The following WDFY2 variants were observed in gnomAD, a reference collection of about 807,000 sequenced individuals.
WDFY2 encodes WD repeat and FYVE domain-containing protein 2.
Under a neutral mutation model 56.4 loss-of-function variants are expected in WDFY2, and 36 were observed. The observed-to-expected ratio is 0.64, with a 90% CI of 0.49 to 0.84. The LOEUF is 0.84. Among genes scored for constraint, WDFY2 ranks in the 40% least tolerant of loss-of-function variants. WDFY2 has a pLI of 0.00. For synonymous variants in WDFY2, 176 were observed against 183.7 expected, an observed-to-expected ratio of 0.96 and a Z score of 0.34; for missense variants, 444 against 512.2, an observed-to-expected ratio of 0.87 and a Z score of 1.29.
intron 1 of WDFY2, among the ~76,000 whole-genome samples, chr13:51,640,086 CTAGAGA>C (rs1389626947): frequency 1.3e-5 from 2 of 152,128 alleles, no homozygotes; most frequent in African/African-American, 2.4e-5. Flanking sequence ...TGTTTGTTAT[CTAGAGA>C]TAAAGTGTTT....
At chr13:51,699,010 A>G (rs1951930343) in intron 3 of WDFY2, among the ~76,000 whole-genome samples, 1 of 152,214 alleles carries the variant, frequency 6.6e-6, no homozygotes, top group South Asian at 2.1e-4. Flanking sequence ...ACCACATCAT[A>G]TATACTGCCT....
chr13:51,638,306 G>A (rs1304588818), intron 1 of WDFY2, among the ~76,000 whole-genome samples: 2 of 152,174 alleles, frequency 1.3e-5, no homozygotes, highest in Admixed American at 6.5e-5. Flanking sequence ...CCTGGGGGTG[G>A]GGTATTAATG....
chr13:51,757,302 T>C (rs1468138196), intron 10 of WDFY2, among the ~76,000 whole-genome samples: 3 of 152,178 alleles, frequency 2.0e-5, no homozygotes, highest in Non-Finnish European at 4.4e-5. Context: ...CAAGAGACCT[T>C]AGAGATAGCC....
At chr13:51,700,560 G>C (rs1170841007) in intron 3 of WDFY2, among the ~76,000 whole-genome samples, 1 of 152,038 alleles carries the variant, frequency 6.6e-6, no homozygotes, top group African/African-American at 2.4e-5. Context: ...ATTCTTCTCG[G>C]ACTTTTATTT....
At chr13:51,603,605 T>A (rs1255441010) in intron 1 of WDFY2, among the ~76,000 whole-genome samples, 2 of 152,170 alleles carry the variant, frequency 1.3e-5, no homozygotes, top group Non-Finnish European at 2.9e-5. Context: ...ATCATAGACT[T>A]TTTCTTGGGC....
chr13:51,586,315 G>A (rs1953935105), intron 1 of WDFY2: 2 of 358,616 alleles, frequency 5.6e-6, no homozygotes, highest in Admixed American at 4.6e-5. Context: ...ACTGGAGATG[G>A]AACTGATCAA....
rs571167142 is a variant in WDFY2, at chr13:51,695,975, C to T, written c.280-7621C>T. Reference sequence around the variant, plus strand: ...GCAAGACTGTGGGCGTAGGACCCTCCGAGCCAGGTGCGGGATATAATCTCC... The same window carrying T: ...GCAAGACTGTGGGCGTAGGACCCTCTGAGCCAGGTGCGGGATATAATCTCC... On this transcript the variant is annotated intron_variant, in intron 3 of 11. Transcript: ENST00000298125. 2.9e-3 allele frequency among the ~76,000 whole-genome samples: 444 copies of T among 152,316 alleles called. 1 individual carries two copies. The highest frequency in any genetic ancestry group is 0.01 in the African/African-American group (428 of 41,582).
chr13:51,670,244 C>T (rs1282378883), intron 2 of WDFY2, among the ~76,000 whole-genome samples: 1 of 151,992 alleles, frequency 6.6e-6, no homozygotes, highest in Non-Finnish European at 1.5e-5. Context: ...AGTTTTTTTG[C>T]TTTTTTGTTA....
chr13:51,604,159 C>T (rs1954341097), intron 1 of WDFY2, among the ~76,000 whole-genome samples: 2 of 152,134 alleles, frequency 1.3e-5, no homozygotes, highest in Admixed American at 6.6e-5. Context: ...TTAATGCACG[C>T]TGGAGCCAGT....
intron 1 of WDFY2, among the ~76,000 whole-genome samples, chr13:51,601,409 A>G (rs1954279349): frequency 6.6e-6 from 1 of 150,538 alleles, no homozygotes; most frequent in East Asian, 1.9e-4. Flanking sequence ...GTATGAAGTT[A>G]GTAGTTTACT....
intron 5 of WDFY2, among the ~76,000 whole-genome samples, chr13:51,726,562 C>A (rs1172530511): frequency 1.3e-5 from 2 of 152,156 alleles, no homozygotes; most frequent in East Asian, 1.9e-4. Context: ...TGGGACATTC[C>A]AAAATTCCAG....
At chr13:51,759,373 G>A (rs1222509082) in intron 11 of WDFY2, among the ~76,000 whole-genome samples, 4 of 152,144 alleles carry the variant, frequency 2.6e-5, no homozygotes, top group Non-Finnish European at 4.4e-5. Flanking sequence ...CTATATTGTC[G>A]CTTTCATGTT....
At chr13:51,585,693 A>G (rs1232493370) in intron 1 of WDFY2, among the ~76,000 whole-genome samples, 1 of 152,194 alleles carries the variant, frequency 6.6e-6, no homozygotes, top group African/African-American at 2.4e-5. Flanking sequence ...TCTTTGGTAA[A>G]ATCTATATAA....
chr13:51,688,257 C>T (rs995342871), intron 3 of WDFY2, among the ~76,000 whole-genome samples: 30 of 152,210 alleles, frequency 2.0e-4, no homozygotes, highest in Admixed American at 9.8e-4. Flanking sequence ...GCATTAGTGG[C>T]GTGTGGTGCT....
intron 3 of WDFY2, among the ~76,000 whole-genome samples, chr13:51,677,767 G>A (rs896043051): frequency 6.6e-6 from 1 of 152,072 alleles, no homozygotes; most frequent in African/African-American, 2.4e-5. Flanking sequence ...GAGAGAGTGT[G>A]AGTACTGGAG....
chr13:51,660,488 C>T lies in WDFY2; in HGVS notation c.138-108C>T, dbSNP rs950599990. 77 of 1,014,524 alleles carry T rather than the reference C, an allele frequency of 7.6e-5. 1 individual carries two copies. Among genetic ancestry groups the T allele is most frequent in the African/African-American group, 6.7e-4 (41 of 61,472 alleles). The allele number at this position is 1,014,524 out of a possible 1,614,324, so 62.8% of individuals were successfully genotyped here. On this transcript the variant is annotated intron_variant, in intron 1 of 11. Coordinates refer to ENST00000298125, the MANE Select transcript of WDFY2 (RefSeq NM_052950.4). ...GTGCTGGGACAGGCTTGAGCCACCG[C>T]GCCTGGCCTCTCTATATATAATATT... is the stretch of plus-strand genomic sequence containing the variant.
rs148657503 is a variant in WDFY2 at position 51,633,450 on chromosome 13, C to T, written c.138-27146C>T. On this transcript the variant is annotated intron_variant, in intron 1 of 11. Transcript: ENST00000298125. ...GTATAATAATATTGAAATTTGTTAA[C>T]GGCTTAAGGCACTTAGTAGGGTATC... is the stretch of plus-strand genomic sequence containing the variant. Among the ~76,000 whole-genome samples the T allele has an allele frequency of 3.5e-3, 535 of 152,310 alleles. 2 individuals carry two copies. Among genetic ancestry groups the T allele is most frequent in the Middle Eastern group, 0.014 (4 of 294 alleles).
chr13:51,653,418 C>T (rs1052089770), intron 1 of WDFY2, among the ~76,000 whole-genome samples: 4 of 152,204 alleles, frequency 2.6e-5, no homozygotes, highest in South Asian at 2.1e-4. Flanking sequence ...AGTCATTCTC[C>T]GTCCAGCTTT....
intron 1 of WDFY2, among the ~76,000 whole-genome samples, chr13:51,646,654 A>AATGT (rs1372241616): frequency 2.0e-5 from 3 of 152,216 alleles, no homozygotes; most frequent in Non-Finnish European, 2.9e-5. Context: ...TCAATGAATG[A>AATGT]ATGTATATAA....
Sources: allele counts gnomAD v4.1 joint callset (sites outside exome capture counted in the v4.1 genomes callset), GRCh38; gene constraint gnomAD v4.1.1; transcripts MANE v1.5; gene names NCBI Gene and HGNC (gene_info 2026-07-23, HGNC 2026-07-21).